CSMD2: variants seen among roughly 807,000 people sequenced by gnomAD.
The protein encoded by CSMD2 is CUB and sushi domain-containing protein 2.
In CSMD2, 130 loss-of-function variants were observed where a neutral mutation model predicts 398.5. That is an observed-to-expected ratio of 0.33 (90% confidence interval 0.28 to 0.38). CSMD2 has a LOEUF of 0.38. Ranked by LOEUF, CSMD2 falls within the 10% of genes least tolerant of loss-of-function variation. The pLI, the probability that CSMD2 is intolerant of heterozygous loss-of-function variation, is 1.00. For missense variants in CSMD2, 3,829 were observed against 4,764.9 expected (o/e 0.80, Z 5.78); for synonymous variants, 1,828 against 1,908.5 (o/e 0.96, Z 1.10).
chr1:33,930,417 C>G (rs566127045), intron 4 of CSMD2, among the ~76,000 whole-genome samples: 1 of 152,344 alleles, frequency 6.6e-6, no homozygotes, highest in South Asian at 2.1e-4. Context: ...GTTTCTTCCC[C>G]TGGGGCCAGA....
chr1:33,614,665 G>A (rs1641267728), intron 39 of CSMD2, 45 bp from the exon 40 acceptor site: 1 of 1,140,482 alleles, frequency 8.8e-7, no homozygotes, highest in African/African-American at 1.5e-5. Context: ...ACATCAAGGG[G>A]TGTACAGGGC....
intron 13 of CSMD2, among the ~76,000 whole-genome samples, chr1:33,753,132 G>C (rs564133503): frequency 1.3e-5 from 2 of 152,358 alleles, no homozygotes; most frequent in East Asian, 3.9e-4. Flanking sequence ...GCAGTCTGTA[G>C]AGCAACCACT....
At chr1:33,932,867 C>G (rs753260426) in intron 4 of CSMD2, among the ~76,000 whole-genome samples, 5 of 152,188 alleles carry the variant, frequency 3.3e-5, no homozygotes, top group Non-Finnish European at 7.3e-5. Context: ...GGAAACCAGG[C>G]TCTTGTGCCT....
intron 1 of CSMD2, among the ~76,000 whole-genome samples, chr1:34,107,694 C>G (rs554323528): frequency 1.7e-4 from 26 of 152,280 alleles, no homozygotes; most frequent in Middle Eastern, 3.4e-3. Flanking sequence ...CTACAGCACT[C>G]TCATACAGCA....
intron 6 of CSMD2, among the ~76,000 whole-genome samples, chr1:33,828,884 G>C (rs1323064226): frequency 6.6e-6 from 1 of 152,216 alleles, no homozygotes; most frequent in African/African-American, 2.4e-5. Flanking sequence ...GCAAGCTTGA[G>C]CTAACTTCTG....
intron 1 of CSMD2, among the ~76,000 whole-genome samples, chr1:34,114,504 C>G (rs931575327): frequency 2.6e-5 from 4 of 152,112 alleles, no homozygotes; most frequent in African/African-American, 9.7e-5. Flanking sequence ...TCCAGACCAA[C>G]CTGGGCAAGA....
At chr1:33,874,820 C>T (rs761867513) in intron 5 of CSMD2, among the ~76,000 whole-genome samples, 14 of 152,220 alleles carry the variant, frequency 9.2e-5, no homozygotes, top group African/African-American at 3.1e-4. Flanking sequence ...CATGTTACAA[C>T]GAACAGATGC....
intron 12 of CSMD2, among the ~76,000 whole-genome samples, chr1:33,781,765 A>G (rs1652798094): frequency 6.6e-6 from 1 of 152,224 alleles, no homozygotes; most frequent in Non-Finnish European, 1.5e-5. Flanking sequence ...CCTGTTCCTT[A>G]AATATTTCTT....
chr1:33,820,347 G>T, intron 8 of CSMD2, 122 bp downstream of exon 8: 1 of 725,030 alleles, frequency 1.4e-6, no homozygotes, highest in Non-Finnish European at 2.5e-6. Context: ...TCCAGGAAGT[G>T]TCTGTTCCTA....
rs1308458467 is a variant in CSMD2, at chr1:33,542,256, G to A, written c.9277+464C>T. On this transcript the variant is annotated intron_variant, in intron 58 of 70. Transcript: ENST00000373381. ...GAGGCTACACCGTGCTCAGGAACCCGTACTGGGTGGGGTCGGGTACAAGGA... is the reference window on the plus strand; with the variant it reads ...GAGGCTACACCGTGCTCAGGAACCCATACTGGGTGGGGTCGGGTACAAGGA... 3.3e-5 allele frequency among the ~76,000 whole-genome samples: 5 copies of A among 152,316 alleles called. No individual in the cohort carries two copies. The East Asian group carries it at 5.8e-4, about 18-fold the overall frequency.
At chr1:33,827,673 C>A (rs1447169664) in intron 6 of CSMD2, among the ~76,000 whole-genome samples, 1 of 152,154 alleles carries the variant, frequency 6.6e-6, no homozygotes, top group African/African-American at 2.4e-5. Flanking sequence ...ATGGGTGTAT[C>A]CTCAACGCCT....
chr1:33,548,656 G>T (rs1005862926), intron 56 of CSMD2, among the ~76,000 whole-genome samples: 14 of 152,200 alleles, frequency 9.2e-5, no homozygotes, highest in African/African-American at 3.4e-4. Context: ...TATATCTGTG[G>T]TATATACCTA....
chr1:33,540,561 T>C lies in CSMD2; in HGVS notation c.9595A>G (p.Asn3199Asp). 1.2e-6 allele frequency: 2 copies of C among 1,614,128 alleles called. No individual in the cohort carries two copies. Among genetic ancestry groups the C allele is most frequent in the Non-Finnish European group, 1.7e-6 (2 of 1,180,000 alleles). Reference sequence around the variant, plus strand: ...GGCAGCTCTCCGGTCCAGGACCCATTTCCCTCACAGGTGAACACCGCGGGC... The same window carrying C: ...GGCAGCTCTCCGGTCCAGGACCCATCTCCCTCACAGGTGAACACCGCGGGC... ...SLPAVFTCEG[N>D]GSWTGELPQC... The change falls in exon 60 of 71, where the codon AAT (asparagine) becomes GAT (aspartate). Residue 3199 changes from asparagine (N) to aspartate (D), a missense_variant. Transcript: ENST00000373381.
At chr1:33,546,343 C>T in intron 56 of CSMD2, 124 bp from the exon 57 acceptor site, 1 of 876,980 alleles carries the variant, frequency 1.1e-6, no homozygotes, top group South Asian at 1.8e-5. Flanking sequence ...TGAGGCCTAG[C>T]ACAAGTTACC....
intron 3 of CSMD2, among the ~76,000 whole-genome samples, chr1:33,974,641 T>C (rs1298991090): frequency 1.3e-5 from 2 of 152,130 alleles, no homozygotes; most frequent in African/African-American, 4.8e-5. Flanking sequence ...GAACTGTGAG[T>C]GTCCCAAAGT....
intron 32 of CSMD2, among the ~76,000 whole-genome samples, chr1:33,631,767 C>A (rs144351119): frequency 7.9e-5 from 12 of 152,194 alleles, no homozygotes; most frequent in East Asian, 5.8e-4. Flanking sequence ...TGAGTTCACC[C>A]TAATTTAACG....
At chr1:33,898,136 C>T (rs1407417397) in intron 5 of CSMD2, among the ~76,000 whole-genome samples, 3 of 152,194 alleles carry the variant, frequency 2.0e-5, no homozygotes, top group African/African-American at 4.8e-5. Context: ...TTCCTGCCAG[C>T]TCATGGAGTC....
intron 8 of CSMD2, among the ~76,000 whole-genome samples, 162 bp from the exon 9 acceptor site, chr1:33,819,999 TCTG>T (rs1657924658): frequency 6.6e-6 from 1 of 152,338 alleles, no homozygotes; most frequent in Admixed American, 6.5e-5. Context: ...GGAAGGAACA[TCTG>T]CTCTTCATCT....
intron 55 of CSMD2, among the ~76,000 whole-genome samples, chr1:33,551,157 C>G (rs148838747): frequency 1.3e-5 from 2 of 152,158 alleles, no homozygotes; most frequent in African/African-American, 4.8e-5. Context: ...TCAGGTATAA[C>G]GGGCCAGAGG....
Sources: allele counts gnomAD v4.1 joint callset (sites outside exome capture counted in the v4.1 genomes callset), GRCh38; gene constraint gnomAD v4.1.1; transcripts MANE v1.5; gene names NCBI Gene and HGNC (gene_info 2026-07-23, HGNC 2026-07-21).